NCOR1: variants seen among roughly 807,000 people sequenced by gnomAD.
NCOR1 encodes nuclear receptor corepressor 1.
Under a neutral mutation model 288.1 loss-of-function variants are expected in NCOR1, and 63 were observed. The observed-to-expected ratio is 0.22, with a 90% CI of 0.18 to 0.27. The LOEUF (loss-of-function observed/expected upper bound fraction) is 0.27, where lower values mean the gene tolerates loss of function less well. NCOR1 is among the 10% of genes least tolerant of loss of function. NCOR1 has a pLI of 1.00. For missense variants in NCOR1, 2,397 were observed against 3,019.2 expected (o/e 0.79, Z 4.83); for synonymous variants, 1,007 against 1,065.9 (o/e 0.94, Z 1.08).
chr17:16,106,751 AAG>A (rs1380121353), intron 19 of NCOR1, among the ~76,000 whole-genome samples: 1 of 150,862 alleles, frequency 6.6e-6, no homozygotes, highest in African/African-American at 2.4e-5. Flanking sequence ...AGTCAACAGG[AAG>A]AGAGAGCCTA....
Position 16,108,796 on chromosome 17 carries a change from T to C in NCOR1, c.2172A>G (p.Glu724=). The part of the protein sequence containing the change: ...IEASNEEENP[E]DSEVEAVKPS... ...AAAATTTTGAGATACCTTCGCTGTC[T>C]TCTGGATTTTCTTCTTCATTGGAGG... Residue 724 remains glutamate, a synonymous_variant, in exon 19 of 46, where the codon GAA becomes GAG. Coordinates refer to ENST00000268712, the MANE Select transcript of NCOR1 (RefSeq NM_006311.4). The C allele has an allele frequency of 6.3e-7, 1 of 1,597,918 alleles. No individual in the cohort carries two copies. The highest frequency in any genetic ancestry group is 1.1e-5 in the South Asian group (1 of 87,332).
At chr17:16,146,655 A>G (rs1000016361) in intron 9 of NCOR1, 107 bp from the exon 10 acceptor site, 51 of 1,041,816 alleles carry the variant, frequency 4.9e-5, no homozygotes, top group Admixed American at 1.6e-4. Context: ...TCAGAAGTAC[A>G]TTTGGCTTAT....
intron 44 of NCOR1, among the ~76,000 whole-genome samples, chr17:16,038,461 G>A (rs1226793189): frequency 6.6e-6 from 1 of 151,464 alleles, no homozygotes; most frequent in African/African-American, 2.4e-5. Flanking sequence ...TTTTGAGACA[G>A]GGTCTCACTT....
intron 12 of NCOR1, among the ~76,000 whole-genome samples, chr17:16,138,617 GCTTT>G (rs1467851513): frequency 6.6e-6 from 1 of 152,152 alleles, no homozygotes; most frequent in Non-Finnish European, 1.5e-5. Flanking sequence ...TATGTATAGG[GCTTT>G]CTAACTGCCA....
chr17:16,158,589 A>G (rs149034534), intron 6 of NCOR1, among the ~76,000 whole-genome samples, 171 bp downstream of exon 6: 1,784 of 152,302 alleles, frequency 0.012, 34 homozygotes, highest in African/African-American at 0.041. Flanking sequence ...CTTTCAATTG[A>G]TAAGGAAAAA....
chr17:16,124,174 C>T (rs2073564103), intron 15 of NCOR1, among the ~76,000 whole-genome samples: 1 of 152,150 alleles, frequency 6.6e-6, no homozygotes, highest in Non-Finnish European at 1.5e-5. Context: ...GCTACTTTAG[C>T]TTCCACAAAA....
chr17:16,162,822 A>C (rs1171737225), intron 5 of NCOR1, among the ~76,000 whole-genome samples: 1 of 152,182 alleles, frequency 6.6e-6, no homozygotes, highest in Non-Finnish European at 1.5e-5. Context: ...GAGTTGCGAG[A>C]AGAAATGGTG....
chr17:16,179,734 G>C (rs1046569195), intron 3 of NCOR1, among the ~76,000 whole-genome samples: 1 of 152,076 alleles, frequency 6.6e-6, no homozygotes, highest in African/African-American at 2.4e-5. Context: ...CCTCAATAAA[G>C]GCCGGGCGTG....
At chr17:16,034,366 G>C (rs1281517171) in intron 45 of NCOR1, among the ~76,000 whole-genome samples, 1 of 152,164 alleles carries the variant, frequency 6.6e-6, no homozygotes, top group Non-Finnish European at 1.5e-5. Flanking sequence ...GCCAAGGCAG[G>C]AGGAATGAGT....
At chr17:16,087,351 A>G (rs1430068585) in intron 22 of NCOR1, 1 of 1,302,852 alleles carries the variant, frequency 7.7e-7, no homozygotes, top group Admixed American at 2.3e-5. Context: ...TTTTCCTATG[A>G]AAGTTAAAGT....
Position 16,146,444 on chromosome 17 carries a change from T to C in NCOR1, c.1014A>G (p.Thr338=), listed in dbSNP as rs1414891349. The C allele has an allele frequency of 3.1e-6, 5 of 1,613,766 alleles. No individual in the cohort carries two copies. Among genetic ancestry groups the C allele is most frequent in the Non-Finnish European group, 4.2e-6 (5 of 1,179,830 alleles). The change falls in exon 10 of 46, where the codon ACA becomes ACG. Residue 338 remains threonine (T), a synonymous_variant. Transcript: ENST00000268712. The stretch of plus-strand genomic sequence containing the variant: ...GAAACTGCTTTTCATAGTATTCCCT[T>C]GTTTTGCTTTCTTTAGCTTTCCTCC... ...NPRRKAKESK[T]REYYEKQFPE...
intron 35 of NCOR1, among the ~76,000 whole-genome samples, chr17:16,063,460 G>C (rs563361462): frequency 1.6e-4 from 25 of 152,258 alleles, no homozygotes; most frequent in Middle Eastern, 3.4e-3. Flanking sequence ...TGGGATTATA[G>C]GCATGAGCCA....
chr17:16,099,387 T>C (rs935330505), intron 20 of NCOR1, among the ~76,000 whole-genome samples: 4 of 152,174 alleles, frequency 2.6e-5, no homozygotes, highest in African/African-American at 9.7e-5. Flanking sequence ...AAAATCAGAA[T>C]GTATTTAAAA....
rs1463268636 is a variant in NCOR1, at chr17:16,030,250, T to C, written c.*2046A>G. 1 of 229,358 alleles carries C rather than the reference T, an allele frequency of 4.4e-6. No homozygotes were observed. Among genetic ancestry groups the C allele is most frequent in the Non-Finnish European group, 8.6e-6 (1 of 116,638 alleles). 14.2% of individuals were successfully genotyped at this position (229,358 alleles called of 1,614,324 possible). On this transcript the variant is annotated 3_prime_UTR_variant, in exon 46 of 46. Transcript: ENST00000268712. The stretch of plus-strand genomic sequence containing the variant: ...CATGAAGGTCTTCATCCTTGTCATC[T>C]TCATGTTGAATAGGCTGAGGATGAG...
At position 16,108,701 on chromosome 17, in the gene NCOR1, G is replaced by T. The variant is rs189195309; in HGVS notation, c.2182+85C>A. 4.3e-4 allele frequency: 512 copies of T among 1,187,500 alleles called. 2 individuals carry two copies. The African/African-American group carries it at 7.3e-3, about 17-fold the overall frequency. 73.6% of individuals were successfully genotyped at this position (1,187,500 alleles called of 1,614,324 possible). On this transcript the variant is annotated intron_variant, in intron 19 of 45. Coordinates refer to ENST00000268712, the MANE Select transcript of NCOR1 (RefSeq NM_006311.4). The stretch of plus-strand genomic sequence containing the variant: ...AACACTGGCACACTGTTTCCTCAAT[G>T]AAGCAACTCCTACACAGTCAAATGA...
At chr17:16,042,235 A>T (rs2057848206) in intron 42 of NCOR1, among the ~76,000 whole-genome samples, 1 of 152,216 alleles carries the variant, frequency 6.6e-6, no homozygotes, top group Non-Finnish European at 1.5e-5. Context: ...GGGCCAGGTG[A>T]CAAGGTAAAT....
chr17:16,118,163 T>C (rs897957678), intron 17 of NCOR1, 136 bp from the exon 18 acceptor site: 9 of 807,760 alleles, frequency 1.1e-5, no homozygotes, highest in Non-Finnish European at 1.7e-5. Context: ...TTATCATATA[T>C]ACTTTGATAC....
intron 14 of NCOR1, among the ~76,000 whole-genome samples, chr17:16,126,853 C>CT (rs2074133061): frequency 6.6e-6 from 1 of 152,160 alleles, no homozygotes; most frequent in South Asian, 2.1e-4. Context: ...AAAAGTGAAA[C>CT]TAAGTGTGCA....
chr17:16,075,950 T>C (rs2062393609), intron 26 of NCOR1, among the ~76,000 whole-genome samples: 1 of 152,214 alleles, frequency 6.6e-6, no homozygotes, highest in African/African-American at 2.4e-5. Context: ...TCAACTTTGC[T>C]CTCACCTTCA....
Sources: gnomAD v4.1 joint callset for allele counts (sites outside exome capture counted in the v4.1 genomes callset) on GRCh38, gnomAD v4.1.1 for gene constraint, MANE v1.5 for transcripts, NCBI Gene and HGNC (gene_info 2026-07-23, HGNC 2026-07-21) for gene names.